RHBDF2: variants seen among roughly 807,000 people sequenced by gnomAD.
RHBDF2 encodes rhomboid 5 homolog 2, also known as inactive rhomboid protein 2.
A neutral mutation model predicts 95.2 loss-of-function variants in RHBDF2; 38 were observed. The observed-to-expected ratio is 0.40, with a 90% CI of 0.31 to 0.52. RHBDF2 has a LOEUF of 0.52. Among genes scored for constraint, RHBDF2 ranks in the 20% least tolerant of loss-of-function variants. The probability of loss-of-function intolerance (pLI) is 0.56; values close to 1 mark genes in which losing one functional copy is unlikely to be tolerated. For synonymous variants in RHBDF2, 442 were observed against 462.0 expected, an observed-to-expected ratio of 0.96 and a Z score of 0.55; for missense variants, 863 against 1,137.7, an observed-to-expected ratio of 0.76 and a Z score of 3.47.
chr17:76,477,269 G>C lies in RHBDF2; in HGVS notation c.831C>G (p.Val277=). The stretch of plus-strand genomic sequence containing the variant: ...TGGCAGAGAGTGGGGGGGACTCAAA[G>C]ACATCATCAGGCATGGAGCTCATTT... The part of the protein sequence containing the change: ...KEEMSSMPDD[V]FESPPLSASY... Residue 277 remains valine, a synonymous_variant, in exon 8 of 19, where the codon GTC becomes GTG. Transcript: ENST00000675367. 6.2e-7 allele frequency: 1 copy of C among 1,611,128 alleles called. No individual in the cohort carries two copies. The highest frequency in any genetic ancestry group is 1.3e-5 in the African/African-American group (1 of 74,820).
rs1225798880 is a variant in RHBDF2, at chr17:76,481,461, G to A, written c.64C>T (p.Arg22Trp). 6 of 1,612,436 alleles carry A rather than the reference G, an allele frequency of 3.7e-6. No individual in the cohort carries two copies. The highest frequency in any genetic ancestry group is 2.2e-5 in the East Asian group (1 of 44,876). ...GTGATGGAGAGGTTGGGTGGCTTCC[G>A]GCTCTGCAGGCGGCTGCTGGACACA... ...SSVSSSRLQS[R>W]KPPNLSITIP... The change falls in exon 3 of 19, where the codon CGG (arginine) becomes TGG (tryptophan). Residue 22 changes from arginine (R) to tryptophan (W), a missense_variant. Physicochemically the swap from Arg to Trp is moderately radical, Grantham distance 101. Coordinates refer to ENST00000675367, the MANE Select transcript of RHBDF2 (RefSeq NM_001005498.4).
Position 76,473,995 on chromosome 17 carries a change from G to A in RHBDF2, c.1574+38C>T, listed in dbSNP as rs1218088678. ...TGGGTGGCTCAGATGGCATGGCTAT[G>A]CCTGACCCTGAGGCCCAGCAGAGGC... is the stretch of plus-strand genomic sequence containing the variant. On this transcript the variant is annotated intron_variant, in intron 13 of 18. Coordinates refer to ENST00000675367, the MANE Select transcript of RHBDF2 (RefSeq NM_001005498.4). 3 of 1,604,406 alleles carry A rather than the reference G, an allele frequency of 1.9e-6. No homozygotes were observed. In the Admixed American group the frequency reaches 5.0e-5, roughly 27 times the overall value.
chr17:76,477,086 G>C, intron 8 of RHBDF2, 62 bp from the exon 9 acceptor site: 1 of 1,611,548 alleles, frequency 6.2e-7, no homozygotes, highest in Non-Finnish European at 8.5e-7. Context: ...ACCCCACCAG[G>C]GTGCTCAGAA....
In RHBDF2 at chr17:76,479,743, T is replaced by C; in HGVS notation, c.262A>G (p.Ser88Gly). The C allele has an allele frequency of 3.7e-6, 6 of 1,609,682 alleles. No homozygotes were observed. Among genetic ancestry groups the C allele is most frequent in the Non-Finnish European group, 5.1e-6 (6 of 1,179,714 alleles). Residue 88 changes from serine to glycine, a missense_variant, in exon 4 of 19, where the codon AGC (serine) becomes GGC (glycine). Physicochemically the swap from Ser to Gly is moderately conservative, Grantham distance 56. Coordinates refer to ENST00000675367, the MANE Select transcript of RHBDF2 (RefSeq NM_001005498.4). ...GFRRQASLSQ[S>G]IRKGAAQWFG... The stretch of plus-strand genomic sequence containing the variant: ...TGTAGGGGGGCTCACTTGCGGATGC[T>C]CTGGGACAGTGAGGCCTGGCGGCGG...
intron 1 of RHBDF2, among the ~76,000 whole-genome samples, chr17:76,500,750 C>T (rs12939796): frequency 0.96 from 145,673 of 152,206 alleles, 70,004 homozygotes; most frequent in East Asian, 1. Flanking sequence ...AGGGGCCAAA[C>T]AGGTAAAAGG....
At chr17:76,499,464 C>T (rs1285012389) in intron 1 of RHBDF2, among the ~76,000 whole-genome samples, 1 of 152,196 alleles carries the variant, frequency 6.6e-6, no homozygotes, top group Non-Finnish European at 1.5e-5. Context: ...GGCCACCTGG[C>T]CTGTGCTTTG....
intron 4 of RHBDF2, 157 bp downstream of exon 4, chr17:76,479,576 A>G (rs1409749084): frequency 5.8e-5 from 42 of 725,942 alleles, no homozygotes; most frequent in Middle Eastern, 3.3e-4. Context: ...TTCCCCATCT[A>G]TACCATGATA....
chr17:76,472,651 A>G (rs758828994), intron 18 of RHBDF2, 35 bp downstream of exon 18: 4 of 1,613,276 alleles, frequency 2.5e-6, no homozygotes, highest in East Asian at 4.5e-5. Context: ...CTGGCCCCCT[A>G]TGTGCGGAAG....
rs1350488819 is a variant in RHBDF2, at chr17:76,473,760, C to T, written c.1639-18G>A. 7 of 1,610,802 alleles carry T rather than the reference C, an allele frequency of 4.3e-6. No homozygotes were observed. The highest frequency in any genetic ancestry group is 2.7e-5 in the African/African-American group (2 of 74,872). ...GTGCAGATCTGCCAGGAGGGGGCAC[C>T]GGCAGGGAAGTGGGCTGTGCAGCAG... On this transcript the variant is annotated intron_variant, in intron 14 of 18. Coordinates refer to ENST00000675367, the MANE Select transcript of RHBDF2 (RefSeq NM_001005498.4).
At chr17:76,483,033 G>C (rs893725709) in intron 2 of RHBDF2, among the ~76,000 whole-genome samples, 1 of 152,154 alleles carries the variant, frequency 6.6e-6, no homozygotes, top group Non-Finnish European at 1.5e-5. Context: ...GCCAGGCATA[G>C]TGCCTCATTC....
intron 6 of RHBDF2, 35 bp from the exon 7 acceptor site, chr17:76,477,820 C>A: frequency 6.3e-7 from 1 of 1,599,650 alleles, no homozygotes; most frequent in Non-Finnish European, 8.5e-7. Context: ...ATCAGGACCA[C>A]AGCCTGGCCA....
chr17:76,485,359 C>T (rs1408947685), intron 2 of RHBDF2, among the ~76,000 whole-genome samples: 2 of 144,056 alleles, frequency 1.4e-5, no homozygotes, highest in South Asian at 2.2e-4. Context: ...AGCGGTGAGC[C>T]GAAATCTCGC....
Position 76,473,457 on chromosome 17 carries a change from C to T in RHBDF2, c.1734-130G>A, listed in dbSNP as rs115486388. 2.9e-3 allele frequency: 2,894 copies of T among 996,108 alleles called. 52 individuals carry two copies. In the African/African-American group the frequency reaches 0.039, roughly 14 times the overall value. 61.7% of individuals were successfully genotyped at this position (996,108 alleles called of 1,614,324 possible). ...AGGGGGATGCCGCATCCAGAACCTT[C>T]GACTCTGGAGCAAGCTTCCTTCCTC... On this transcript the variant is annotated intron_variant, in intron 15 of 18. Transcript: ENST00000675367.
intron 4 of RHBDF2, 53 bp from the exon 5 acceptor site, chr17:76,479,330 C>T (rs1394953535): frequency 6.5e-7 from 1 of 1,547,032 alleles, no homozygotes; most frequent in Admixed American, 1.9e-5. Context: ...CGCCTGTGCA[C>T]CTGAGTGTGT....
At position 76,472,392 on chromosome 17, in the gene RHBDF2, C is replaced by T. The variant is rs1324041984; in HGVS notation, c.2064+294G>A. 47 of 568,600 alleles carry T rather than the reference C, an allele frequency of 8.3e-5. No homozygotes were observed. The South Asian group carries it at 8.8e-4, about 11-fold the overall frequency. The allele number at this position is 568,600 out of a possible 1,614,324, so 35.2% of individuals were successfully genotyped here. ...AACTGATCAGACTGCCGACGGCGCA[C>T]GGAGGCCATTTCCTACCGCTCGACC... is the stretch of plus-strand genomic sequence containing the variant. On this transcript the variant is annotated intron_variant, in intron 18 of 18. Coordinates refer to ENST00000675367, the MANE Select transcript of RHBDF2 (RefSeq NM_001005498.4).
intron 7 of RHBDF2, 118 bp downstream of exon 7, chr17:76,477,539 C>A: frequency 8.0e-7 from 1 of 1,245,434 alleles, no homozygotes. Flanking sequence ...CATGCCACAT[C>A]CCAGCAGTGG....
chr17:76,490,951 T>C (rs992775018), intron 1 of RHBDF2, among the ~76,000 whole-genome samples: 1 of 152,098 alleles, frequency 6.6e-6, no homozygotes, highest in African/African-American at 2.4e-5. Context: ...CCCAGGATCC[T>C]GCACCCAGTG....
intron 1 of RHBDF2, among the ~76,000 whole-genome samples, chr17:76,495,709 C>A (rs2074413287): frequency 6.6e-6 from 1 of 152,190 alleles, no homozygotes; most frequent in Non-Finnish European, 1.5e-5. Flanking sequence ...GGGCCCTCAC[C>A]TCGACACACT....
intron 18 of RHBDF2, 74 bp from the exon 19 acceptor site, chr17:76,472,126 TC>T: frequency 7.2e-7 from 1 of 1,388,162 alleles, no homozygotes; most frequent in Non-Finnish European, 9.6e-7. Flanking sequence ...CCCTGGGTCA[TC>T]CCATCGATCA....
Sources: allele counts gnomAD v4.1 joint callset (sites outside exome capture counted in the v4.1 genomes callset), GRCh38; gene constraint gnomAD v4.1.1; transcripts MANE v1.5; gene names NCBI Gene and HGNC (gene_info 2026-07-23, HGNC 2026-07-21).